CCNH: variants seen among roughly 807,000 people sequenced by gnomAD.
CCNH encodes cyclin-H.
CCNH carries 31 observed loss-of-function variants against 41.9 expected under a neutral mutation model. The ratio of observed to expected loss-of-function variants is 0.74; its 90% CI spans 0.56 to 1.00. CCNH has a LOEUF of 1.00. CCNH is among the 50% of genes least tolerant of loss of function. The probability of loss-of-function intolerance (pLI) is 0.00; values close to 1 mark genes in which losing one functional copy is unlikely to be tolerated. For missense variants in CCNH, 362 were observed against 388.4 expected (o/e 0.93, Z 0.57); for synonymous variants, 138 against 136.1 (o/e 1.01, Z -0.10).
chr5:87,407,348 C>G (rs1338298323), intron 4 of CCNH, among the ~76,000 whole-genome samples: 1 of 152,112 alleles, frequency 6.6e-6, no homozygotes, highest in Non-Finnish European at 1.5e-5. Context: ...CATCCTCAAG[C>G]ACAAAGTTTG....
intron 8 of CCNH, chr5:87,394,816 C>T (rs975751660): frequency 7.3e-7 from 1 of 1,363,420 alleles, no homozygotes; most frequent in Non-Finnish European, 9.4e-7. Flanking sequence ...ATACATATTG[C>T]TTCTGCTTTC....
chr5:87,389,552 AC>A, downstream of CCNH: 1 of 1,611,722 alleles, frequency 6.2e-7, no homozygotes, highest in Non-Finnish European at 8.5e-7. Flanking sequence ...GCCTTCATTA[AC>A]AATGATGTTT....
chr5:87,385,579 A>G (rs967083228), intron 9 of CCNH, among the ~76,000 whole-genome samples: 3 of 152,248 alleles, frequency 2.0e-5, no homozygotes, highest in South Asian at 2.1e-4. Flanking sequence ...TTTAAAAAAC[A>G]CAAATTTAGC....
At chr5:87,336,759 C>T (rs1371233913) in intron 9 of CCNH, among the ~76,000 whole-genome samples, 2 of 151,934 alleles carry the variant, frequency 1.3e-5, no homozygotes, top group Non-Finnish European at 2.9e-5. Context: ...CTTTAATGTG[C>T]TTATTTAGGT....
In CCNH at chr5:87,331,094, G is replaced by A. The variant is rs140297255; in HGVS notation, c.*91-12197C>T. 9.3e-5 allele frequency: 86 copies of A among 922,794 alleles called. No homozygotes were observed. In the East Asian group the frequency reaches 2.2e-3, roughly 24 times the overall value. The allele number at this position is 922,794 out of a possible 1,614,324, so 57.2% of individuals were successfully genotyped here. On this transcript the variant is annotated intron_variant and NMD_transcript_variant, in intron 9 of 9. Coordinates refer to the CCNH transcript ENST00000645953. ...AGGCAATCCTGGAAGTAGGGAGATG[G>A]GTAGAAATGGAAGAGATTTATATAT...
intron 9 of CCNH, chr5:87,385,348 T>G: frequency 6.2e-7 from 1 of 1,611,646 alleles, no homozygotes; most frequent in South Asian, 1.1e-5. Context: ...AGTGGCTAAA[T>G]CTGTGCAGAA....
At chr5:87,315,222 T>G (rs1756234209), downstream of CCNH, among the ~76,000 whole-genome samples, 1 of 152,222 alleles carries the variant, frequency 6.6e-6, no homozygotes, top group Non-Finnish European at 1.5e-5. Context: ...TAATTTATTT[T>G]AAAAAACTAT....
intron 9 of CCNH, among the ~76,000 whole-genome samples, chr5:87,322,090 G>C (rs1561280035): frequency 6.6e-6 from 1 of 152,148 alleles, no homozygotes; most frequent in Admixed American, 6.5e-5. Context: ...GGATCATAAA[G>C]GTGGATCCCT....
At chr5:87,369,876 A>G in intron 9 of CCNH, 1 of 1,611,128 alleles carries the variant, frequency 6.2e-7, no homozygotes, top group Non-Finnish European at 8.5e-7. Flanking sequence ...TTTACTTTGC[A>G]GGAGAAACTC....
At chr5:87,374,164 T>A, downstream of CCNH, 1 of 1,472,172 alleles carries the variant, frequency 6.8e-7, no homozygotes, top group Non-Finnish European at 9.0e-7. Flanking sequence ...TTTTTTTAGG[T>A]CAGCAGCCTT....
chr5:87,395,139 AC>A, intron 7 of CCNH, 35 bp from the exon 8 acceptor site: 1 of 1,570,146 alleles, frequency 6.4e-7, no homozygotes, highest in Non-Finnish European at 8.7e-7. Context: ...GCAATCCAAT[AC>A]CAGCCACAGA....
At chr5:87,367,251 A>G (rs1760594674) in intron 9 of CCNH, among the ~76,000 whole-genome samples, 1 of 152,242 alleles carries the variant, frequency 6.6e-6, no homozygotes, top group South Asian at 2.1e-4. Flanking sequence ...TTGATAAATT[A>G]TGTATTACCA....
chr5:87,320,063 A>G (rs896403732), intron 9 of CCNH, among the ~76,000 whole-genome samples: 8 of 152,182 alleles, frequency 5.3e-5, no homozygotes, highest in African/African-American at 1.4e-4. Flanking sequence ...CAGGGGCACA[A>G]TGCTGCCAGT....
At chr5:87,364,491 C>G (rs1211536482) in intron 9 of CCNH, among the ~76,000 whole-genome samples, 1 of 152,060 alleles carries the variant, frequency 6.6e-6, no homozygotes, top group Non-Finnish European at 1.5e-5. Flanking sequence ...TTCATAAATT[C>G]ATTTTACGAA....
chr5:87,328,438 C>T (rs998009933), intron 9 of CCNH, among the ~76,000 whole-genome samples: 2 of 152,016 alleles, frequency 1.3e-5, no homozygotes, highest in Admixed American at 1.3e-4. Flanking sequence ...AATATGTTTT[C>T]TTGTATTTCT....
At chr5:87,393,618 T>G (rs1009651305), downstream of CCNH, 25 of 152,190 alleles carry the variant, frequency 1.6e-4, no homozygotes, top group African/African-American at 4.3e-4. Flanking sequence ...ATCTGCAAAA[T>G]TCCTAGTAAC....
Position 87,394,316 on chromosome 5 carries a change from GGAAA to G in CCNH, c.*126_*129del. 3 of 1,367,518 alleles carry G rather than the reference GGAAA, an allele frequency of 2.2e-6. No homozygotes were observed. Among genetic ancestry groups the G allele is most frequent in the Non-Finnish European group, 1.9e-6 (2 of 1,051,572 alleles). The allele number at this position is 1,367,518 out of a possible 1,614,324, so 84.7% of individuals were successfully genotyped here. A position where few individuals can be genotyped will look rare whatever the true frequency, so the allele number is the denominator to read the frequency against. On this transcript the variant is annotated 3_prime_UTR_variant, in exon 9 of 9. Coordinates refer to ENST00000256897, the MANE Select transcript of CCNH (RefSeq NM_001239.4). ...ATTTTACATAAAGTTACTGTGAAAG[GGAAA>G]GAAAACAATAGAAAAGTTTTAATAT...
chr5:87,379,623 CAG>C, upstream of CCNH: 1 of 1,422,838 alleles, frequency 7.0e-7, no homozygotes, highest in South Asian at 1.4e-5. Context: ...TCAATACACA[CAG>C]AGATACCGAA....
At chr5:87,412,614 G>T in intron 1 of CCNH, 64 bp downstream of exon 1, 1 of 1,590,124 alleles carries the variant, frequency 6.3e-7, no homozygotes, top group East Asian at 2.2e-5. Context: ...GGAGCCAGAA[G>T]AGCTCCCGCA....
Sources: allele counts gnomAD v4.1 joint callset (sites outside exome capture counted in the v4.1 genomes callset), GRCh38; gene constraint gnomAD v4.1.1; transcripts MANE v1.5; gene names NCBI Gene and HGNC (gene_info 2026-07-23, HGNC 2026-07-21).